Variants in MAD1L1 observed in about 807,000 individuals in gnomAD.
The protein encoded by MAD1L1 is mitotic arrest deficient 1 like 1.
MAD1L1 carries 95 observed loss-of-function variants against 96.9 expected under a neutral mutation model. The ratio of observed to expected loss-of-function variants is 0.98; its 90% confidence interval spans 0.83 to 1.16. MAD1L1 has a LOEUF of 1.16. Among genes scored for constraint, MAD1L1 ranks in the 50% most tolerant of loss-of-function variants. The pLI, the probability that MAD1L1 is intolerant of heterozygous loss-of-function variation, is 0.00. For missense variants in MAD1L1, 1,007 were observed against 954.4 expected (o/e 1.06, Z -0.73); for synonymous variants, 473 against 396.6 (o/e 1.19, Z -2.29).
chr7:2,056,563 G>A (rs1395612153), intron 12 of MAD1L1, among the ~76,000 whole-genome samples: 2 of 152,154 alleles, frequency 1.3e-5, no homozygotes, highest in Admixed American at 6.5e-5. Context: ...CTGGCTCCAC[G>A]ACCCATCTGC....
intron 17 of MAD1L1, among the ~76,000 whole-genome samples, chr7:1,925,267 A>G (rs1199024840): frequency 6.6e-6 from 1 of 152,250 alleles, no homozygotes; most frequent in Admixed American, 6.5e-5. Context: ...TTCCCTCAAC[A>G]TAATGAAATT....
intron 11 of MAD1L1, among the ~76,000 whole-genome samples, chr7:2,086,077 G>A (rs1338621204): frequency 1.3e-5 from 2 of 152,200 alleles, no homozygotes; most frequent in African/African-American, 2.4e-5. Flanking sequence ...CCACGCTGCG[G>A]GGGAGGACGG....
chr7:1,951,178 A>G (rs537343562), intron 16 of MAD1L1, among the ~76,000 whole-genome samples: 4 of 152,346 alleles, frequency 2.6e-5, no homozygotes, highest in African/African-American at 9.6e-5. Flanking sequence ...TCTCCCCACT[A>G]CAGGGCACAA....
intron 12 of MAD1L1, among the ~76,000 whole-genome samples, chr7:2,068,687 C>T (rs1784990853): frequency 6.6e-6 from 1 of 152,218 alleles, no homozygotes; most frequent in Admixed American, 6.5e-5. Context: ...TTTCATGCTC[C>T]AGCGACCTCT....
rs147109311 is a variant in MAD1L1, at chr7:1,989,086, A to G, written c.1417-8545T>C. Among the ~76,000 whole-genome samples, 587 of 152,372 alleles carry G rather than the reference A, an allele frequency of 3.9e-3. 4 individuals carry two copies. Among genetic ancestry groups the G allele is most frequent in the African/African-American group, 0.013 (541 of 41,590 alleles). ...AACCCATTTACAAAGTGGGCAATGG[A>G]TGGGGCAGACACTTCTCCAGAGAAG... On this transcript the variant is annotated intron_variant, in intron 14 of 18. Coordinates refer to ENST00000265854, the MANE Select transcript of MAD1L1 (RefSeq NM_001013836.2).
intron 18 of MAD1L1, among the ~76,000 whole-genome samples, chr7:1,894,593 T>C (rs1055734776): frequency 6.6e-6 from 1 of 152,084 alleles, no homozygotes; most frequent in Non-Finnish European, 1.5e-5. Context: ...TGAGGCTGCA[T>C]GCCCAGTGTC....
chr7:2,105,537 G>A (rs978640556), intron 11 of MAD1L1, among the ~76,000 whole-genome samples: 2 of 152,066 alleles, frequency 1.3e-5, no homozygotes, highest in Non-Finnish European at 2.9e-5. Context: ...TGTCTGCTTT[G>A]TGGCTGCTCC....
At chr7:1,839,517 C>T (rs1172583065) in intron 18 of MAD1L1, among the ~76,000 whole-genome samples, 6 of 152,206 alleles carry the variant, frequency 3.9e-5, no homozygotes, top group African/African-American at 1.4e-4. Flanking sequence ...AACCCCCAGC[C>T]TCTTCACAAA....
intron 12 of MAD1L1, among the ~76,000 whole-genome samples, chr7:2,068,882 C>T (rs1214718432): frequency 6.6e-6 from 1 of 152,192 alleles, no homozygotes; most frequent in Non-Finnish European, 1.5e-5. Flanking sequence ...CTGCAAGGCA[C>T]GTGGGAGCCT....
intron 10 of MAD1L1, among the ~76,000 whole-genome samples, chr7:2,186,833 C>T (rs1054890766): frequency 1.3e-5 from 2 of 151,464 alleles, no homozygotes; most frequent in African/African-American, 4.9e-5. Flanking sequence ...TCGCTCTGTC[C>T]CCCACGCTGG....
chr7:1,977,995 C>T (rs1485835447), intron 15 of MAD1L1, among the ~76,000 whole-genome samples: 1 of 152,264 alleles, frequency 6.6e-6, no homozygotes, highest in African/African-American at 2.4e-5. Flanking sequence ...CCTCGCGTGG[C>T]ATTCAGGACC....
At chr7:1,849,818 A>C (rs1783867326) in intron 18 of MAD1L1, 1 of 136,878 alleles carries the variant, frequency 7.3e-6, no homozygotes, top group Admixed American at 7.5e-5. Context: ...CAGCGGAAGC[A>C]GGACGGCGCG....
intron 17 of MAD1L1, among the ~76,000 whole-genome samples, chr7:1,899,725 G>C (rs998430192): frequency 6.6e-6 from 1 of 152,182 alleles, no homozygotes; most frequent in Non-Finnish European, 1.5e-5. Flanking sequence ...GTGAGTGCCT[G>C]CTGGCCAGGT....
chr7:1,928,975 G>A (rs749130591), intron 17 of MAD1L1, among the ~76,000 whole-genome samples: 26 of 152,162 alleles, frequency 1.7e-4, no homozygotes, highest in Non-Finnish European at 2.9e-4. Flanking sequence ...CAGAGGACAC[G>A]CGCCGATACA....
chr7:1,889,469 C>G (rs1233177550), intron 18 of MAD1L1, among the ~76,000 whole-genome samples: 1 of 152,250 alleles, frequency 6.6e-6, no homozygotes, highest in Non-Finnish European at 1.5e-5. Flanking sequence ...CCAGGCCCAG[C>G]CCAGGGGCTC....
rs186369248 is a variant in MAD1L1, at chr7:2,095,238, G to C, written c.1074-25900C>G. Among the ~76,000 whole-genome samples the C allele has an allele frequency of 1.6e-4, 24 of 152,180 alleles. No individual in the cohort carries two copies. In the East Asian group the frequency reaches 4.3e-3, roughly 27 times the overall value. ...TTTTTGTATTTTTAGTAGAGCCGGG[G>C]TTTCACCATGTTAGCCGGGATGGTC... On this transcript the variant is annotated intron_variant, in intron 11 of 18. Transcript: ENST00000265854.
chr7:1,863,386 G>C (rs1354458822), intron 18 of MAD1L1, among the ~76,000 whole-genome samples: 1 of 152,222 alleles, frequency 6.6e-6, no homozygotes, highest in Admixed American at 6.5e-5. Context: ...GGGGCCAGCG[G>C]CACGGCCGTC....
chr7:2,132,581 G>A (rs1014681021), intron 11 of MAD1L1, among the ~76,000 whole-genome samples: 2 of 152,208 alleles, frequency 1.3e-5, no homozygotes, highest in African/African-American at 2.4e-5. Flanking sequence ...GGCAACCACC[G>A]ATCTTTTTAC....
At chr7:1,907,038 C>T (rs1037934359) in intron 17 of MAD1L1, among the ~76,000 whole-genome samples, 1 of 151,972 alleles carries the variant, frequency 6.6e-6, no homozygotes, top group Non-Finnish European at 1.5e-5. Flanking sequence ...AAGCCCCCAA[C>T]CCCATCCCTG....
Sources: allele counts gnomAD v4.1 joint callset (sites outside exome capture counted in the v4.1 genomes callset), GRCh38; gene constraint gnomAD v4.1.1; transcripts MANE v1.5; gene names NCBI Gene and HGNC (gene_info 2026-07-23, HGNC 2026-07-21).